The following ERN1 variants were observed in gnomAD, a reference collection of about 807,000 sequenced individuals.
ERN1 encodes endoplasmic reticulum to nucleus signaling 1, also known as serine/threonine-protein kinase/endoribonuclease IRE1.
Under a neutral mutation model 113.1 loss-of-function variants are expected in ERN1, and 39 were observed. The ratio of observed to expected loss-of-function variants is 0.34; its 90% CI spans 0.27 to 0.45. The LOEUF (loss-of-function observed/expected upper bound fraction) is 0.45. ERN1 is among the 20% of genes least tolerant of loss of function. The pLI, the probability that ERN1 is intolerant of heterozygous loss-of-function variation, is 1.00. For missense variants in ERN1, 976 were observed against 1,274.8 expected (o/e 0.77, Z 3.57); for synonymous variants, 507 against 515.9 (o/e 0.98, Z 0.23).
intron 2 of ERN1, among the ~76,000 whole-genome samples, chr17:64,084,745 A>T (rs1388080829): frequency 1.3e-5 from 2 of 152,174 alleles, no homozygotes; most frequent in East Asian, 3.8e-4. Flanking sequence ...AATCCCAAGC[A>T]GTCCCTCCCT....
At position 64,054,332 on chromosome 17, in the gene ERN1, T is replaced by G; in HGVS notation, c.1871A>C (p.Asn624Thr). The G allele has an allele frequency of 6.2e-7, 1 of 1,613,448 alleles. No homozygotes were observed. The highest frequency in any genetic ancestry group is 8.5e-7 in the Non-Finnish European group (1 of 1,179,672). Reference sequence around the variant, plus strand: ...CTCCGTGCAGAAGTAGCGGATCACGTTCGGGTGCTCATCCGATTCTCGCAA... The same window carrying G: ...CTCCGTGCAGAAGTAGCGGATCACGGTCGGGTGCTCATCCGATTCTCGCAA... ...QLLRESDEHPNVIRYFCTEKD... is the reference protein window; with the variant it reads ...QLLRESDEHPTVIRYFCTEKD... Residue 624 changes from asparagine to threonine, a missense_variant, in exon 15 of 22, where the codon AAC (asparagine) becomes ACC (threonine). Physicochemically the swap from Asn to Thr is moderately conservative, Grantham distance 65. This residue lies in a region of ERN1 where 297 missense variants were observed against 457.8 expected (regional missense o/e 0.65). Coordinates refer to ENST00000433197, the MANE Select transcript of ERN1 (RefSeq NM_001433.5). This position sits in a 1 kb window ranked among gnomAD's most constrained non-coding sequence, Gnocchi z 4.9.
chr17:64,100,342 T>C (rs1914350956), intron 1 of ERN1, among the ~76,000 whole-genome samples: 1 of 152,124 alleles, frequency 6.6e-6, no homozygotes, highest in Non-Finnish European at 1.5e-5. Flanking sequence ...GGGCAAATTA[T>C]GCATACCTGG....
chr17:64,057,361 TTTC>T (rs201824919), intron 12 of ERN1, among the ~76,000 whole-genome samples: 141,531 of 150,934 alleles, frequency 0.94, 67,063 homozygotes, highest in East Asian at 1. Flanking sequence ...TGACTTTTTT[TTTC>T]TTTTTTTTTG....
chr17:64,084,573 A>T (rs11869535), intron 2 of ERN1, among the ~76,000 whole-genome samples: 1 of 152,186 alleles, frequency 6.6e-6, no homozygotes, highest in African/African-American at 2.4e-5. Context: ...GGGCATCTCT[A>T]TGTGGATTAA....
At chr17:64,102,294 AAAC>A (rs1358035840) in intron 1 of ERN1, among the ~76,000 whole-genome samples, 4 of 152,174 alleles carry the variant, frequency 2.6e-5, no homozygotes, top group Admixed American at 6.5e-5. Context: ...TCAAAAACAA[AAAC>A]AACAACAACA....
chr17:64,044,855 C>T lies in ERN1; in HGVS notation c.2721+5G>A. On this transcript the variant is annotated splice_donor_5th_base_variant and intron_variant, in intron 21 of 21. Transcript: ENST00000433197. The surrounding 1 kb of genome is among the most constrained non-coding windows in gnomAD (Gnocchi z 4.1). ...TCTCCTCCCCAGCATTTACAAACTG[C>T]TTACCTTATTTCTCATGGCTCGGAG... 5.7e-6 allele frequency: 9 copies of T among 1,578,992 alleles called. No homozygotes were observed. Among genetic ancestry groups the T allele is most frequent in the Non-Finnish European group, 7.8e-6 (9 of 1,159,342 alleles).
In ERN1 at chr17:64,097,799, A is replaced by G. The variant is rs1914269889; in HGVS notation, c.175+322T>C. 5 of 229,224 alleles carry G rather than the reference A, an allele frequency of 2.2e-5. No individual in the cohort carries two copies. The South Asian group carries it at 4.1e-4, about 19-fold the overall frequency. 14.2% of individuals were successfully genotyped at this position (229,224 alleles called of 1,614,324 possible). On this transcript the variant is annotated intron_variant, in intron 2 of 21. Coordinates refer to ENST00000433197, the MANE Select transcript of ERN1 (RefSeq NM_001433.5). ...TTACAAGATTCTAATCATGAGAACA[A>G]ATTTAGTGCAGCATGTCTTCATAAA...
chr17:64,113,656 C>T (rs191094783), intron 1 of ERN1, among the ~76,000 whole-genome samples: 3 of 150,992 alleles, frequency 2.0e-5, no homozygotes, highest in South Asian at 2.1e-4. Flanking sequence ...ATTATAGGCA[C>T]GAGTCACCAT....
intron 2 of ERN1, among the ~76,000 whole-genome samples, chr17:64,094,007 T>C (rs1401653763): frequency 6.6e-6 from 1 of 152,228 alleles, no homozygotes; most frequent in Non-Finnish European, 1.5e-5. Flanking sequence ...CTAGCGGTCC[T>C]GTACAACCAA....
intron 2 of ERN1, among the ~76,000 whole-genome samples, chr17:64,081,646 A>G: frequency 6.6e-6 from 1 of 152,228 alleles, no homozygotes; most frequent in East Asian, 1.9e-4. Flanking sequence ...TGCTAATTGT[A>G]AGTTATCCTT....
At chr17:64,100,327 T>C (rs889168482) in intron 1 of ERN1, among the ~76,000 whole-genome samples, 1 of 152,028 alleles carries the variant, frequency 6.6e-6, no homozygotes, top group Non-Finnish European at 1.5e-5. Context: ...GATGAATAAA[T>C]GAAAGGGCAA....
chr17:64,048,631 G>A (rs1054946274), intron 18 of ERN1, among the ~76,000 whole-genome samples: 11 of 152,162 alleles, frequency 7.2e-5, no homozygotes, highest in African/African-American at 2.7e-4. Context: ...GACCAGGAGG[G>A]TGAGGATAAA....
chr17:64,099,362 G>A (rs535111889), intron 1 of ERN1, among the ~76,000 whole-genome samples: 6 of 151,728 alleles, frequency 4.0e-5, no homozygotes, highest in South Asian at 4.2e-4. Context: ...AGGTGTGTGC[G>A]CACATGTACA....
intron 2 of ERN1, among the ~76,000 whole-genome samples, chr17:64,082,661 A>G (rs1350310736): frequency 2.0e-5 from 3 of 152,216 alleles, no homozygotes; most frequent in Non-Finnish European, 4.4e-5. Flanking sequence ...GTGTTTGCTC[A>G]GTCACACAGA....
At chr17:64,073,720 T>C (rs1002601664) in intron 5 of ERN1, among the ~76,000 whole-genome samples, 6 of 152,170 alleles carry the variant, frequency 3.9e-5, no homozygotes, top group African/African-American at 1.4e-4. Context: ...CTCGATCTCC[T>C]GACCTCGTGA....
At chr17:64,077,091 G>A (rs1204480453) in intron 4 of ERN1, among the ~76,000 whole-genome samples, 1 of 152,170 alleles carries the variant, frequency 6.6e-6, no homozygotes, top group African/African-American at 2.4e-5. Flanking sequence ...ACAGAGCTGT[G>A]GAGAGAAACC....
intron 1 of ERN1, among the ~76,000 whole-genome samples, chr17:64,117,367 C>T (rs530836533): frequency 3.3e-5 from 5 of 151,626 alleles, no homozygotes; most frequent in South Asian, 2.1e-4. Context: ...CACTTGAACC[C>T]GGGAGGCGGA....
intron 1 of ERN1, among the ~76,000 whole-genome samples, chr17:64,099,356 G>T (rs916955747): frequency 6.6e-6 from 1 of 151,748 alleles, no homozygotes; most frequent in Non-Finnish European, 1.5e-5. Context: ...GGGAGCAGGT[G>T]TGTGCGCACA....
At chr17:64,119,349 T>C (rs1367801568) in intron 1 of ERN1, among the ~76,000 whole-genome samples, 1 of 149,432 alleles carries the variant, frequency 6.7e-6, no homozygotes, top group Admixed American at 6.7e-5. Flanking sequence ...GTAGAGAAAA[T>C]GTAATATTAG....
Sources: gnomAD v4.1 joint callset for allele counts (sites outside exome capture counted in the v4.1 genomes callset) on GRCh38, gnomAD v4.1.1 for gene constraint, gnomAD v4.1.1 regional missense constraint, Gnocchi (gnomAD v3.1) non-coding constraint, MANE v1.5 for transcripts, NCBI Gene and HGNC (gene_info 2026-07-23, HGNC 2026-07-21) for gene names.